Variants in MROH2B observed in about 807,000 individuals in gnomAD.
The protein encoded by MROH2B is maestro heat-like repeat-containing protein family member 2B.
In MROH2B, 177 loss-of-function variants were observed where a neutral mutation model predicts 208.6. The observed-to-expected ratio is 0.85, with a 90% CI of 0.75 to 0.96. MROH2B has a LOEUF of 0.96. MROH2B is among the 40% of genes least tolerant of loss of function. The pLI is 0.00. For missense variants in MROH2B, 2,002 were observed against 1,878.7 expected, an observed-to-expected ratio of 1.07 and a Z score of -1.21; for synonymous variants, 728 against 659.0, an observed-to-expected ratio of 1.10 and a Z score of -1.60.
intron 37 of MROH2B, among the ~76,000 whole-genome samples, chr5:41,002,165 G>A (rs1246617514): frequency 6.6e-6 from 1 of 152,182 alleles, no homozygotes; most frequent in Admixed American, 6.5e-5. Flanking sequence ...GAGACATTTA[G>A]TTAAAAAAGC....
At chr5:41,012,287 A>G (rs1377524780) in intron 30 of MROH2B, among the ~76,000 whole-genome samples, 1 of 152,188 alleles carries the variant, frequency 6.6e-6, no homozygotes, top group African/African-American at 2.4e-5. Flanking sequence ...TTATCCTTAC[A>G]TCTCTAACAA....
At position 41,015,406 on chromosome 5, in the gene MROH2B, A is replaced by T. The variant is rs1231042086; in HGVS notation, c.2957T>A (p.Ile986Asn). 6.2e-7 allele frequency: 1 copy of T among 1,613,354 alleles called. No individual in the cohort carries two copies. The highest frequency in any genetic ancestry group is 8.5e-7 in the Non-Finnish European group (1 of 1,179,630). Residue 986 changes from isoleucine to asparagine, a missense_variant, in exon 29 of 42, where the codon ATC becomes AAC. Physicochemically the swap from Ile to Asn is moderately radical, Grantham distance 149. Transcript: ENST00000399564. ...CTTAGCTATTTTAGAAGAAATCTTG[A>T]TCTGAACCTGCACGTCATCACTTTC... ...GLESDDVQVQ[I>N]KISSKIAKIV...
chr5:41,065,582 C>T, intron 3 of MROH2B, 92 bp from the exon 4 acceptor site: 1 of 995,558 alleles, frequency 1.0e-6, no homozygotes, highest in Admixed American at 2.7e-5. Flanking sequence ...TTTATATATG[C>T]ATTTATTTAT....
intron 22 of MROH2B, 114 bp downstream of exon 22, chr5:41,033,724 C>T (rs1212837959): frequency 5.9e-6 from 5 of 851,366 alleles, no homozygotes; most frequent in Non-Finnish European, 7.3e-6. Flanking sequence ...TGTTGGAAAC[C>T]TTTCAATTGG....
Position 41,007,339 on chromosome 5 carries a change from G to C in MROH2B, c.3724C>G (p.His1242Asp). The C allele has an allele frequency of 6.7e-7, 1 of 1,484,332 alleles. No individual in the cohort carries two copies. Among genetic ancestry groups the C allele is most frequent in the Non-Finnish European group, 9.0e-7 (1 of 1,112,542 alleles). 91.9% of individuals were successfully genotyped at this position (1,484,332 alleles called of 1,614,324 possible). A position where few individuals can be genotyped will look rare whatever the true frequency, so the allele number is the denominator to read the frequency against. ...WTLLSSPSTH[H>D]IGVCSLARSM... Reference sequence around the variant, plus strand: ...CTGGCCAGTGAACATACGCCTATGTGGTGGGTACTAGGACTGCTGAGTAGA... The same window carrying C: ...CTGGCCAGTGAACATACGCCTATGTCGTGGGTACTAGGACTGCTGAGTAGA... Residue 1242 changes from histidine to aspartate, a missense_variant, in exon 34 of 42, where the codon CAC becomes GAC. His to Asp is a moderately conservative substitution (Grantham distance 81). Transcript: ENST00000399564.
At chr5:41,067,410 A>G (rs1743845593) in intron 2 of MROH2B, among the ~76,000 whole-genome samples, 192 bp from the exon 3 acceptor site, 2 of 151,230 alleles carry the variant, frequency 1.3e-5, no homozygotes, top group South Asian at 2.1e-4. Flanking sequence ...CTTTTTGGCC[A>G]GGCTGGAGTG....
At position 40,998,046 on chromosome 5, in the gene MROH2B, G is replaced by T. The variant is rs774087998; in HGVS notation, c.*6C>A. The stretch of plus-strand genomic sequence containing the variant: ...AGGAAAAGCCAGCAGTTTATTTCTT[G>T]ATGGCTTACAGAGGAATGCTTGTCT... On this transcript the variant is annotated 3_prime_UTR_variant, in exon 42 of 42. Coordinates refer to ENST00000399564, the MANE Select transcript of MROH2B (RefSeq NM_173489.5). 3 of 1,597,968 alleles carry T rather than the reference G, an allele frequency of 1.9e-6. No homozygotes were observed. Among genetic ancestry groups the T allele is most frequent in the Non-Finnish European group, 1.7e-6 (2 of 1,168,114 alleles).
At position 41,054,825 on chromosome 5, in the gene MROH2B, T is replaced by C; in HGVS notation, c.1049A>G (p.Asp350Gly). The change falls in exon 11 of 42, where the codon GAT (aspartate) becomes GGT (glycine). Residue 350 changes from aspartate to glycine, a missense_variant. Transcript: ENST00000399564. ...TGTTCTTTCTATTGAAATGATGTGA[T>C]CCCTCAACCTGGGCTCTGAAAGACA... is the stretch of plus-strand genomic sequence containing the variant. ...AVNADEPRLR[D>G]HIISIERTVK... 1 of 1,611,296 alleles carries C rather than the reference T, an allele frequency of 6.2e-7. No individual in the cohort carries two copies. The highest frequency in any genetic ancestry group is 8.5e-7 in the Non-Finnish European group (1 of 1,178,596).
At chr5:41,014,185 T>C (rs530001138) in intron 29 of MROH2B, among the ~76,000 whole-genome samples, 21 of 152,322 alleles carry the variant, frequency 1.4e-4, no homozygotes, top group Non-Finnish European at 2.5e-4. Flanking sequence ...AAAATTGCCA[T>C]AACACCAATA....
At chr5:41,026,133 G>A (rs1742351646) in intron 24 of MROH2B, among the ~76,000 whole-genome samples, 1 of 152,134 alleles carries the variant, frequency 6.6e-6, no homozygotes, top group African/African-American at 2.4e-5. Context: ...CACAAGACAG[G>A]GATGCCTTCT....
Position 41,004,418 on chromosome 5 carries a change from C to T in MROH2B, c.4122G>A (p.Glu1374=), listed in dbSNP as rs1206458039. Residue 1374 remains glutamate (E), a synonymous_variant, in exon 37 of 42, where the codon GAG becomes GAA. Transcript: ENST00000399564. ...ESLKALKKIL[E]LLTDRDVSFY... Reference sequence around the variant, plus strand: ...AGCTCACGTCTCGGTCTGTCAGCAGCTCCAGGATTTTTTTTAGAGCCTTCA... The same window carrying T: ...AGCTCACGTCTCGGTCTGTCAGCAGTTCCAGGATTTTTTTTAGAGCCTTCA... The T allele has an allele frequency of 1.2e-6, 2 of 1,613,866 alleles. No individual in the cohort carries two copies. Among genetic ancestry groups the T allele is most frequent in the Admixed American group, 3.3e-5 (2 of 60,000 alleles).
At chr5:41,049,167 A>T (rs557459144) in intron 14 of MROH2B, 26 bp from the exon 15 acceptor site, 1 of 1,602,850 alleles carries the variant, frequency 6.2e-7, no homozygotes, top group African/African-American at 1.3e-5. Context: ...AATTTTCATC[A>T]TCACTGCAGG....
chr5:41,065,014 A>G (rs1236257610), intron 4 of MROH2B, among the ~76,000 whole-genome samples: 2 of 152,244 alleles, frequency 1.3e-5, no homozygotes, highest in Non-Finnish European at 2.9e-5. Flanking sequence ...AATAAATGGT[A>G]GGGATCCTTA....
In MROH2B at chr5:41,005,643, C is replaced by T; in HGVS notation, c.3752G>A (p.Ser1251Asn). Residue 1251 changes from serine (S) to asparagine (N), a missense_variant and splice_region_variant, in exon 35 of 42, where the codon AGC (serine) becomes AAC (asparagine). Coordinates refer to ENST00000399564, the MANE Select transcript of MROH2B (RefSeq NM_173489.5). ...HHIGVCSLARSMAVWQHGVIL... is the reference protein window; with the variant it reads ...HHIGVCSLARNMAVWQHGVIL... ...GACTCCGTGTTGCCACACTGCCATG[C>T]TCCTAGAAAATGCACATTTTAGCAG... 1 of 1,607,732 alleles carries T rather than the reference C, an allele frequency of 6.2e-7. No individual in the cohort carries two copies. The highest frequency in any genetic ancestry group is 8.5e-7 in the Non-Finnish European group (1 of 1,176,650).
At chr5:41,024,135 A>G (rs1489778772) in intron 24 of MROH2B, among the ~76,000 whole-genome samples, 2 of 152,244 alleles carry the variant, frequency 1.3e-5, no homozygotes, top group Non-Finnish European at 1.5e-5. Flanking sequence ...ACTAAAGAGC[A>G]AAATAACCAG....
chr5:41,006,009 G>T (rs570417873), intron 34 of MROH2B, among the ~76,000 whole-genome samples: 5 of 148,866 alleles, frequency 3.4e-5, no homozygotes, highest in South Asian at 2.2e-4. Flanking sequence ...CTCCAGCCTG[G>T]GCGAAGAGTA....
At chr5:41,056,774 CAA>C (rs34263761) in intron 9 of MROH2B, among the ~76,000 whole-genome samples, 35 of 114,692 alleles carry the variant, frequency 3.1e-4, no homozygotes, top group African/African-American at 3.2e-4. Flanking sequence ...TCTCAAATAC[CAA>C]AAAAAAAAAA....
At position 41,047,768 on chromosome 5, in the gene MROH2B, G is replaced by A; in HGVS notation, c.1685-4C>T. ...AGAACGGTACTGATGTTCTTTCCTA[G>A]AAACAAAAATTGATGTAATAATCGC... On this transcript the variant is annotated splice_region_variant and splice_polypyrimidine_tract_variant and intron_variant, in intron 16 of 41. Coordinates refer to ENST00000399564, the MANE Select transcript of MROH2B (RefSeq NM_173489.5). 6.3e-7 allele frequency: 1 copy of A among 1,583,926 alleles called. No homozygotes were observed. Among genetic ancestry groups the A allele is most frequent in the Non-Finnish European group, 8.6e-7 (1 of 1,163,828 alleles).
At chr5:40,999,236 A>G (rs1451217134) in intron 40 of MROH2B, among the ~76,000 whole-genome samples, 1 of 152,252 alleles carries the variant, frequency 6.6e-6, no homozygotes, top group Admixed American at 6.5e-5. Flanking sequence ...TAGCAGAGCC[A>G]GGGGCTGCTG....
Sources: gnomAD v4.1 joint callset for allele counts (sites outside exome capture counted in the v4.1 genomes callset) on GRCh38, gnomAD v4.1.1 for gene constraint, MANE v1.5 for transcripts, NCBI Gene and HGNC (gene_info 2026-07-23, HGNC 2026-07-21) for gene names.